Variants in RORB observed in about 807,000 individuals in gnomAD.
RORB encodes the protein RAR related orphan receptor B.
RORB carries 6 observed loss-of-function variants against 59.1 expected under a neutral mutation model. The ratio of observed to expected loss-of-function variants is 0.10; its 90% CI spans 0.06 to 0.20. The LOEUF (loss-of-function observed/expected upper bound fraction) is 0.20. Among genes scored for constraint, RORB ranks in the 10% least tolerant of loss-of-function variants. The pLI is 1.00. For missense variants in RORB, 320 were observed against 560.5 expected (o/e 0.57, Z 4.33); for synonymous variants, 215 against 204.5 (o/e 1.05, Z -0.44).
chr9:74,634,723 C>T lies in RORB; in HGVS notation c.186C>T (p.Cys62=), dbSNP rs772468508. ...TTGACAGAACGAACAGAAACCGTTG[C>T]CAACACTGCCGACTGCAGAAGTGTC... is the stretch of plus-strand genomic sequence containing the variant. ...CLIDRTNRNR[C]QHCRLQKCLA... Residue 62 remains cysteine, a synonymous_variant, in exon 3 of 10, where the codon TGC becomes TGT. Transcript: ENST00000376896. 1.9e-6 allele frequency: 3 copies of T among 1,613,608 alleles called. No homozygotes were observed. The highest frequency in any genetic ancestry group is 2.5e-6 in the Non-Finnish European group (3 of 1,179,672).
intron 1 of RORB, among the ~76,000 whole-genome samples, chr9:74,507,286 C>T (rs981781199): frequency 7.2e-5 from 11 of 151,946 alleles, no homozygotes; most frequent in African/African-American, 2.7e-4. Context: ...ACTTAGTAAA[C>T]AGTAAACTGC....
intron 4 of RORB, among the ~76,000 whole-genome samples, chr9:74,648,894 T>C (rs1823945680): frequency 6.6e-6 from 1 of 152,090 alleles, no homozygotes; most frequent in Admixed American, 6.5e-5. Context: ...CTGTCCTCCC[T>C]AGTTCACTAC....
intron 1 of RORB, among the ~76,000 whole-genome samples, chr9:74,544,752 A>AG (rs751282037): frequency 6.6e-6 from 1 of 152,162 alleles, no homozygotes; most frequent in African/African-American, 2.4e-5. Flanking sequence ...AGGAATCCTG[A>AG]GGGGAAAAAC....
intron 1 of RORB, among the ~76,000 whole-genome samples, chr9:74,572,839 T>C (rs1822573211): frequency 6.6e-6 from 1 of 152,176 alleles, no homozygotes; most frequent in South Asian, 2.1e-4. Flanking sequence ...TACCACCTTG[T>C]GAAAGATATT....
chr9:74,651,207 G>A (rs1032534208), intron 4 of RORB, among the ~76,000 whole-genome samples: 38 of 152,116 alleles, frequency 2.5e-4, no homozygotes, highest in African/African-American at 8.5e-4. Context: ...CTGTAACTCT[G>A]CAAGGCTTCT....
chr9:74,525,549 T>C (rs1024250), intron 1 of RORB, among the ~76,000 whole-genome samples: 48,182 of 151,762 alleles, frequency 0.32, 7,949 homozygotes, highest in Admixed American at 0.41. Flanking sequence ...ATTAAATCAG[T>C]CAGATTTTCT....
chr9:74,539,644 C>CA (rs939158493), intron 1 of RORB, among the ~76,000 whole-genome samples: 8 of 151,358 alleles, frequency 5.3e-5, no homozygotes, highest in Admixed American at 2.6e-4. Context: ...AACACAGCAA[C>CA]AAAAAAATGA....
At chr9:74,637,958 G>A (rs117796234) in intron 3 of RORB, among the ~76,000 whole-genome samples, 4,859 of 152,258 alleles carry the variant, frequency 0.032, 107 homozygotes, top group Non-Finnish European at 0.051. Flanking sequence ...CGGAGAAAAA[G>A]AGGAAGGAGA....
chr9:74,677,273 T>C (rs1233893384), intron 9 of RORB, among the ~76,000 whole-genome samples: 2 of 152,212 alleles, frequency 1.3e-5, no homozygotes, highest in African/African-American at 4.8e-5. Context: ...TTTCATTTCC[T>C]GACTTCTGAC....
intron 6 of RORB, among the ~76,000 whole-genome samples, chr9:74,664,970 C>G (rs906565861): frequency 1.3e-5 from 2 of 152,226 alleles, no homozygotes. Flanking sequence ...TTAGCACCTA[C>G]TATGTGCCAG....
chr9:74,603,548 C>T (rs1454147218), intron 1 of RORB, among the ~76,000 whole-genome samples: 1 of 152,168 alleles, frequency 6.6e-6, no homozygotes, highest in Non-Finnish European at 1.5e-5. Flanking sequence ...ATGAATTCCT[C>T]CAGGCAAGAC....
At chr9:74,622,499 G>A (rs1034348832) in intron 1 of RORB, among the ~76,000 whole-genome samples, 2 of 145,976 alleles carry the variant, frequency 1.4e-5, no homozygotes, top group African/African-American at 5.0e-5. Flanking sequence ...ATGAATCACA[G>A]AGATGCTGTT....
chr9:74,600,515 C>T (rs2118320116), intron 1 of RORB, among the ~76,000 whole-genome samples: 1 of 152,284 alleles, frequency 6.6e-6, no homozygotes, highest in Non-Finnish European at 1.5e-5. Flanking sequence ...TCTGGGATCA[C>T]TGATGGGCTG....
chr9:74,670,997 T>G (rs904452630), intron 8 of RORB, among the ~76,000 whole-genome samples: 4 of 152,078 alleles, frequency 2.6e-5, no homozygotes, highest in African/African-American at 9.7e-5. Flanking sequence ...ATTTGGGGTG[T>G]CTCTTCCATA....
rs903156405 is a variant in RORB, at chr9:74,601,846, A to C, written c.8-28436A>C. 2.6e-5 allele frequency among the ~76,000 whole-genome samples: 4 copies of C among 152,306 alleles called. No individual in the cohort carries two copies. In the East Asian group the frequency reaches 5.8e-4, roughly 22 times the overall value. ...AAGTGAATGAGTTTTCCTTTTTCTC[A>C]GCCTAGATGATATTCACTCACCCAC... On this transcript the variant is annotated intron_variant, in intron 1 of 9. Transcript: ENST00000376896.
rs1259473352 is a variant in RORB at position 74,692,998 on chromosome 9, A to G, written c.*7380A>G. 1 of 152,216 alleles carries G rather than the reference A, an allele frequency of 6.6e-6. No individual in the cohort carries two copies. The highest frequency in any genetic ancestry group is 2.4e-5 in the African/African-American group (1 of 41,460). 9.4% of individuals were successfully genotyped at this position (152,216 alleles called of 1,614,324 possible). On this transcript the variant is annotated 3_prime_UTR_variant, in exon 10 of 10. Coordinates refer to ENST00000376896, the MANE Select transcript of RORB (RefSeq NM_006914.4). ...AACAATTAAAAAAGAGTTTTATATT[A>G]CTTTAGAATGTAATAGGTTTTTGTC...
At chr9:74,666,787 C>T (rs1458660403) in intron 7 of RORB, among the ~76,000 whole-genome samples, 6 of 152,220 alleles carry the variant, frequency 3.9e-5, no homozygotes, top group African/African-American at 1.4e-4. Context: ...AAGGCACTAA[C>T]AGAGTCAGTC....
intron 1 of RORB, among the ~76,000 whole-genome samples, chr9:74,567,938 T>A (rs1275578847): frequency 6.6e-6 from 1 of 152,192 alleles, no homozygotes; most frequent in Non-Finnish European, 1.5e-5. Flanking sequence ...TCAAGCCTAG[T>A]GTCATTTTAT....
intron 5 of RORB, among the ~76,000 whole-genome samples, chr9:74,661,966 A>G (rs1412030554): frequency 6.6e-6 from 1 of 152,056 alleles, no homozygotes; most frequent in Non-Finnish European, 1.5e-5. Context: ...TTTAAACCAG[A>G]AAACACTCTC....
Sources: gnomAD v4.1 joint callset for allele counts (sites outside exome capture counted in the v4.1 genomes callset) on GRCh38, gnomAD v4.1.1 for gene constraint, MANE v1.5 for transcripts, NCBI Gene and HGNC (gene_info 2026-07-23, HGNC 2026-07-21) for gene names.